The following ASNS variants were observed in gnomAD, a reference collection of about 807,000 sequenced individuals.
The protein encoded by ASNS is asparagine synthetase (glutamine-hydrolyzing).
A neutral mutation model predicts 62.6 loss-of-function variants in ASNS; 37 were observed. The ratio of observed to expected loss-of-function variants is 0.59; its 90% CI spans 0.45 to 0.78. The LOEUF is 0.78. ASNS is among the 30% of genes least tolerant of loss of function. The pLI, the probability that ASNS is intolerant of heterozygous loss-of-function variation, is 0.00. For missense variants in ASNS, 520 were observed against 682.4 expected (o/e 0.76, Z 2.65); for synonymous variants, 207 against 237.9 (o/e 0.87, Z 1.19).
chr7:97,880,798 C>T, the ASNS span, among the ~76,000 whole-genome samples: 1 of 152,216 alleles, frequency 6.6e-6, no homozygotes, highest in Non-Finnish European at 1.5e-5. Context: ...TCAAACACAG[C>T]TGCACATCAG....
the ASNS span, among the ~76,000 whole-genome samples, chr7:97,882,331 G>A: frequency 1.3e-5 from 2 of 152,044 alleles, no homozygotes; most frequent in African/African-American, 4.8e-5. Flanking sequence ...GACGGATCAC[G>A]AGGTCAGGAG....
At chr7:97,904,437 A>G in the ASNS span, among the ~76,000 whole-genome samples, 1 of 152,100 alleles carries the variant, frequency 6.6e-6, no homozygotes, top group Non-Finnish European at 1.5e-5. Flanking sequence ...CTCATGCTAC[A>G]TCTGCAGGGA....
At chr7:97,892,051 G>T in the ASNS span, among the ~76,000 whole-genome samples, 42 of 150,910 alleles carry the variant, frequency 2.8e-4, no homozygotes, top group African/African-American at 6.1e-4. Context: ...GCAAACTCCT[G>T]CCTGGATATC....
the ASNS span, among the ~76,000 whole-genome samples, chr7:97,921,571 C>T: frequency 6.6e-6 from 1 of 152,168 alleles, no homozygotes; most frequent in African/African-American, 2.4e-5. Flanking sequence ...AGGAGCTGCT[C>T]AGATACTTGA....
chr7:97,886,688 G>C, the ASNS span, among the ~76,000 whole-genome samples: 1 of 152,206 alleles, frequency 6.6e-6, no homozygotes, highest in Admixed American at 6.5e-5. Flanking sequence ...ACGTGGGGCT[G>C]CCAAATGCAA....
chr7:97,878,181 C>T, the ASNS span, among the ~76,000 whole-genome samples: 10 of 152,174 alleles, frequency 6.6e-5, 1 homozygote, highest in South Asian at 4.1e-4. Flanking sequence ...GTCAAGAGAT[C>T]GAGACTATCC....
intron 8 of ASNS, among the ~76,000 whole-genome samples, chr7:97,856,054 C>T: frequency 6.6e-6 from 1 of 152,180 alleles, no homozygotes; most frequent in East Asian, 1.9e-4. Context: ...CCATGAAATT[C>T]CAATACCAGA....
At chr7:97,917,772 C>T in the ASNS span, among the ~76,000 whole-genome samples, 28 of 152,174 alleles carry the variant, frequency 1.8e-4, no homozygotes, top group African/African-American at 6.8e-4. Context: ...AAGACAATGC[C>T]CCTGGTAAAG....
At chr7:97,872,916 C>A (rs1792354023), upstream of ASNS, among the ~76,000 whole-genome samples, 1 of 152,184 alleles carries the variant, frequency 6.6e-6, no homozygotes, top group African/African-American at 2.4e-5. Context: ...GCCTGGGAAA[C>A]ACAGCGAGAT....
chr7:97,918,195 G>A, the ASNS span, among the ~76,000 whole-genome samples: 1 of 152,198 alleles, frequency 6.6e-6, no homozygotes, highest in Non-Finnish European at 1.5e-5. Flanking sequence ...AGGCGGTCGT[G>A]CCATCATCTG....
intron 1 of ASNS, among the ~76,000 whole-genome samples, chr7:97,870,493 T>A (rs1323068715): frequency 2.6e-5 from 4 of 152,182 alleles, no homozygotes; most frequent in African/African-American, 7.2e-5. Context: ...ACCAAAGGTT[T>A]AGCTGGCTTT....
the ASNS span, among the ~76,000 whole-genome samples, chr7:97,896,739 C>CATATATATATATAT: frequency 8.6e-3 from 274 of 31,850 alleles, 3 homozygotes; most frequent in Non-Finnish European, 0.014. Flanking sequence ...CACACACACA[C>CATATATATATATAT]ACATATATAT....
the ASNS span, among the ~76,000 whole-genome samples, chr7:97,902,525 AACATAGTGAGACACTCCTCTCT>A: frequency 4.8e-3 from 728 of 152,262 alleles, 6 homozygotes; most frequent in African/African-American, 0.017. Context: ...CAGCCTGGGC[AACATAGTGAGACACTCCTCTCT>A]ACAAAAAATA....
rs1791201847 is a variant in ASNS, at chr7:97,852,010, A to T, written c.*249T>A. On this transcript the variant is annotated 3_prime_UTR_variant, in exon 13 of 13. Coordinates refer to ENST00000394308, the MANE Select transcript of ASNS (RefSeq NM_001673.5). ...CCAGGAGAGGGCTGTGAGTTCTTGC[A>T]GACATCTGATCATTTTCCCTTTTCC... is the stretch of plus-strand genomic sequence containing the variant. The T allele has an allele frequency of 2.0e-6, 1 of 488,548 alleles. No individual in the cohort carries two copies. Among genetic ancestry groups the T allele is most frequent in the Admixed American group, 3.5e-5 (1 of 28,678 alleles). The allele number at this position is 488,548 out of a possible 1,614,324, so 30.3% of individuals were successfully genotyped here.
chr7:97,864,521 A>C, intron 3 of ASNS, 25 bp from the exon 4 acceptor site: 1 of 1,495,366 alleles, frequency 6.7e-7, no homozygotes, highest in South Asian at 1.1e-5. Context: ...GCAAAACCAA[A>C]ATGTTAGACT....
intron 3 of ASNS, among the ~76,000 whole-genome samples, chr7:97,867,900 G>C (rs1183860271): frequency 6.6e-6 from 1 of 152,176 alleles, no homozygotes; most frequent in Non-Finnish European, 1.5e-5. Context: ...AGATAAAAAT[G>C]TCCAAAATGT....
At chr7:97,871,473 C>T (rs1446366740) in intron 1 of ASNS, among the ~76,000 whole-genome samples, 1 of 151,130 alleles carries the variant, frequency 6.6e-6, no homozygotes, top group Non-Finnish European at 1.5e-5. Flanking sequence ...ATTACTCTTA[C>T]AGCAATGCTA....
rs1437860893 is a variant in ASNS at position 97,853,389 on chromosome 7, T to TAC, written c.1239-4_1239-3insGT. ...GAAATGGGACTCTCAGTTCAAGACT[T>TAC]AAAGGAGAAAAGAAGAAAATCTAAA... On this transcript the variant is annotated splice_polypyrimidine_tract_variant and splice_region_variant and intron_variant, in intron 10 of 12. Transcript: ENST00000394308. 3 of 1,610,204 alleles carry TAC rather than the reference T, an allele frequency of 1.9e-6. No homozygotes were observed. The highest frequency in any genetic ancestry group is 3.3e-5 in the Admixed American group (2 of 59,880).
the ASNS span, among the ~76,000 whole-genome samples, chr7:97,902,649 A>T: frequency 2.0e-5 from 3 of 152,190 alleles, no homozygotes; most frequent in Non-Finnish European, 4.4e-5. Context: ...GGAGCCCAGG[A>T]GGCAGAGGCT....
Sources: allele counts gnomAD v4.1 joint callset (sites outside exome capture counted in the v4.1 genomes callset), GRCh38; gene constraint gnomAD v4.1.1; transcripts MANE v1.5; gene names NCBI Gene and HGNC (gene_info 2026-07-23, HGNC 2026-07-21).